ARPC5L: variants seen among roughly 807,000 people sequenced by gnomAD.
ARPC5L encodes actin related protein 2/3 complex subunit 5 like.
A neutral mutation model predicts 16.9 loss-of-function variants in ARPC5L; 4 were observed. That is an observed-to-expected ratio of 0.24 (90% confidence interval 0.12 to 0.54). The LOEUF is 0.54. Ranked by LOEUF, ARPC5L falls within the 20% of genes least tolerant of loss-of-function variation. ARPC5L has a pLI of 0.95. For missense variants in ARPC5L, 151 were observed against 201.9 expected (o/e 0.75, Z 1.53); for synonymous variants, 78 against 82.6 (o/e 0.94, Z 0.30).
chr9:124,873,881 G>A (rs1215188593), intron 4 of ARPC5L, 117 bp downstream of exon 4: 2 of 1,253,782 alleles, frequency 1.6e-6, no homozygotes, highest in Admixed American at 4.1e-5. Context: ...GCACTGGGCG[G>A]GGCTTCCAGG....
At chr9:124,870,321 T>C (rs1829337282) in intron 3 of ARPC5L, among the ~76,000 whole-genome samples, 1 of 152,242 alleles carries the variant, frequency 6.6e-6, no homozygotes, top group African/African-American at 2.4e-5. Flanking sequence ...CTTGGTCCTT[T>C]AGCAGTATGA....
intron 3 of ARPC5L, among the ~76,000 whole-genome samples, chr9:124,869,788 G>T (rs6478689): frequency 6.6e-6 from 1 of 152,040 alleles, no homozygotes; most frequent in Admixed American, 6.5e-5. Context: ...CCAGCACTCC[G>T]TCCCTCCCTT....
chr9:124,871,247 A>G (rs1829354773), intron 3 of ARPC5L, among the ~76,000 whole-genome samples: 1 of 152,166 alleles, frequency 6.6e-6, no homozygotes, highest in South Asian at 2.1e-4. Flanking sequence ...GAGTAGAAGG[A>G]ACCCGGCTGT....
chr9:124,867,808 C>CT lies in ARPC5L; in HGVS notation c.-863-602dup, dbSNP rs57343594. Among the ~76,000 whole-genome samples the CT allele has an allele frequency of 3.2e-3, 314 of 98,728 alleles. 6 individuals are homozygous for CT. In the East Asian group the frequency reaches 0.051, roughly 16 times the overall value. 64.8% of individuals were successfully genotyped at this position (98,728 alleles called of 152,430 possible). On this transcript the variant is annotated intron_variant, in intron 2 of 5. Coordinates refer to ENST00000353214, the MANE Select transcript of ARPC5L (RefSeq NM_030978.3). ...ACCCCTGAGACTTTTCTTTTCTTTT[C>CT]TTTTTTTTTTTTTTTTTTGAGACGG... is the stretch of plus-strand genomic sequence containing the variant.
intron 2 of ARPC5L, among the ~76,000 whole-genome samples, chr9:124,867,997 C>T (rs1162521726): frequency 6.6e-6 from 1 of 151,830 alleles, no homozygotes; most frequent in Non-Finnish European, 1.5e-5. Context: ...CTAGTAGACA[C>T]GGGGTTTCAG....
chr9:124,870,567 G>T (rs948076531), intron 3 of ARPC5L, among the ~76,000 whole-genome samples: 1 of 152,166 alleles, frequency 6.6e-6, no homozygotes, highest in African/African-American at 2.4e-5. Flanking sequence ...CTTCAGACTT[G>T]ATTTGAACAG....
rs1829468244 is a variant in ARPC5L at position 124,877,723 on chromosome 9, T to TTAA, written c.*788_*790dup. 6 of 152,360 alleles carry TTAA rather than the reference T, an allele frequency of 3.9e-5. No homozygotes were observed. In the South Asian group the frequency reaches 1.2e-3, roughly 32 times the overall value. The allele number at this position is 152,360 out of a possible 1,614,324, so 9.4% of individuals were successfully genotyped here. On this transcript the variant is annotated 3_prime_UTR_variant, in exon 6 of 6. Coordinates refer to ENST00000353214, the MANE Select transcript of ARPC5L (RefSeq NM_030978.3). Reference sequence around the variant, plus strand: ...ATTAATTTAATAAAGTGCCAAACATTTAATAATTGATCTAGGCTTTAAAAG... The same window carrying TTAA: ...ATTAATTTAATAAAGTGCCAAACATTTAATAATAATTGATCTAGGCTTTAAAAG...
chr9:124,877,102 C>T lies in ARPC5L; in HGVS notation c.*162C>T, dbSNP rs1466535722. The T allele has an allele frequency of 6.4e-6, 4 of 627,578 alleles. No individual in the cohort carries two copies. The highest frequency in any genetic ancestry group is 5.7e-5 in the East Asian group (2 of 35,178). 38.9% of individuals were successfully genotyped at this position (627,578 alleles called of 1,614,324 possible). On this transcript the variant is annotated 3_prime_UTR_variant, in exon 6 of 6. Transcript: ENST00000353214. ...TTATTTTCAAGGTGGAGGGGAAAAT[C>T]GTCTGTTTCCTAAATCCTGTTTAGG...
intron 2 of ARPC5L, among the ~76,000 whole-genome samples, chr9:124,866,776 CTGGT>C (rs1829276653): frequency 6.6e-6 from 1 of 152,186 alleles, no homozygotes; most frequent in Admixed American, 6.5e-5. Flanking sequence ...TGGCCCCTGC[CTGGT>C]TGGGCTACCA....
At chr9:124,873,843 T>C in intron 4 of ARPC5L, 79 bp downstream of exon 4, 2 of 1,549,008 alleles carry the variant, frequency 1.3e-6, no homozygotes, top group Non-Finnish European at 8.9e-7. Context: ...GAGTGTGAGC[T>C]TTCATCCACA....
chr9:124,873,508 A>C, intron 3 of ARPC5L, 184 bp from the exon 4 acceptor site: 5 of 639,820 alleles, frequency 7.8e-6, no homozygotes, highest in Non-Finnish European at 1.4e-5. Context: ...CATGGTTGGC[A>C]GAGGTGCCCT....
At chr9:124,867,464 T>C (rs757985035) in intron 2 of ARPC5L, among the ~76,000 whole-genome samples, 2 of 152,100 alleles carry the variant, frequency 1.3e-5, no homozygotes, top group East Asian at 3.9e-4. Flanking sequence ...GATCACTTTA[T>C]CTAAGGCACA....
chr9:124,874,836 A>G, intron 4 of ARPC5L, 139 bp from the exon 5 acceptor site: 1 of 997,528 alleles, frequency 1.0e-6, no homozygotes, highest in South Asian at 1.5e-5. Flanking sequence ...AAGACGTTCT[A>G]ACCCACTTAT....
chr9:124,874,185 G>T (rs1266271669), intron 4 of ARPC5L, among the ~76,000 whole-genome samples: 1 of 152,222 alleles, frequency 6.6e-6, no homozygotes, highest in African/African-American at 2.4e-5. Flanking sequence ...CTAAAATTTG[G>T]TTCAGAGAAA....
intron 3 of ARPC5L, among the ~76,000 whole-genome samples, chr9:124,871,465 C>T (rs188826458): frequency 6.6e-6 from 1 of 152,300 alleles, no homozygotes; most frequent in East Asian, 1.9e-4. Flanking sequence ...GATAGAGCGG[C>T]AGCATGGGAT....
In ARPC5L at chr9:124,873,746, C is replaced by A; in HGVS notation, c.204C>A (p.Thr68=). The part of the protein sequence containing the change: ...HAALRNSPVN[T]KNQAVKERAQ... ...CCTTGCGGAACTCTCCCGTCAACAC[C>A]AAGAATCAAGCTGTGAAGGTAAAGG... is the stretch of plus-strand genomic sequence containing the variant. The change falls in exon 4 of 6, where the codon ACC becomes ACA. Residue 68 remains threonine (T), a synonymous_variant. Transcript: ENST00000353214. 6.2e-7 allele frequency: 1 copy of A among 1,614,202 alleles called. No individual in the cohort carries two copies.
At chr9:124,870,591 G>T (rs534883438) in intron 3 of ARPC5L, among the ~76,000 whole-genome samples, 33 of 152,300 alleles carry the variant, frequency 2.2e-4, no homozygotes, top group Admixed American at 3.9e-4. Context: ...TGTGTTTTCC[G>T]AAGTGGAGAT....
At position 124,869,096 on chromosome 9, in the gene ARPC5L, C is replaced by A; in HGVS notation, c.-195C>A. ...ACTCCAGGTGCCAGGCTCCGCCCCG[C>A]CCCTGACGGCGCTTCCGGATCCGGC... is the stretch of plus-strand genomic sequence containing the variant. On this transcript the variant is annotated 5_prime_UTR_variant, in exon 3 of 6. Coordinates refer to ENST00000353214, the MANE Select transcript of ARPC5L (RefSeq NM_030978.3). 1 of 536,798 alleles carries A rather than the reference C, an allele frequency of 1.9e-6. No homozygotes were observed. The highest frequency in any genetic ancestry group is 2.9e-6 in the Non-Finnish European group (1 of 347,824). The allele number at this position is 536,798 out of a possible 1,614,324, so 33.3% of individuals were successfully genotyped here.
chr9:124,866,929 C>T (rs113724767), intron 2 of ARPC5L, among the ~76,000 whole-genome samples: 2,519 of 152,264 alleles, frequency 0.017, 72 homozygotes, highest in African/African-American at 0.058. Context: ...TACTGTTCTG[C>T]TCAGAATTTC....
Sources: allele counts gnomAD v4.1 joint callset (sites outside exome capture counted in the v4.1 genomes callset), GRCh38; gene constraint gnomAD v4.1.1; transcripts MANE v1.5; gene names NCBI Gene and HGNC (gene_info 2026-07-23, HGNC 2026-07-21).